POP4: variants seen among roughly 807,000 people sequenced by gnomAD.
POP4 encodes ribonuclease P protein subunit p29.
A neutral mutation model predicts 29.9 loss-of-function variants in POP4; 31 were observed. The ratio of observed to expected loss-of-function variants is 1.04; its 90% CI spans 0.78 to 1.40. The LOEUF is 1.40. Among genes scored for constraint, POP4 ranks in the 40% most tolerant of loss-of-function variants. The probability of loss-of-function intolerance (pLI) is 0.00; values close to 1 mark genes in which losing one functional copy is unlikely to be tolerated. For missense variants in POP4, 286 were observed against 282.7 expected (o/e 1.01, Z -0.08); for synonymous variants, 110 against 108.2 (o/e 1.02, Z -0.10).
intron 5 of POP4, among the ~76,000 whole-genome samples, chr19:29,612,956 G>C (rs1971087568): frequency 6.6e-6 from 1 of 152,188 alleles, no homozygotes; most frequent in East Asian, 1.9e-4. Flanking sequence ...CATCGTATGG[G>C]AGTAAACCTG....
At position 29,615,657 on chromosome 19, in the gene POP4, C is replaced by G; in HGVS notation, c.*277C>G. Reference sequence around the variant, plus strand: ...GGCAGGAAGCACACCGGGGTTAACACTGGTTGACTTGAATAGGATTATTCG... The same window carrying G: ...GGCAGGAAGCACACCGGGGTTAACAGTGGTTGACTTGAATAGGATTATTCG... On this transcript the variant is annotated 3_prime_UTR_variant, in exon 7 of 7. Transcript: ENST00000585603. 1 of 371,550 alleles carries G rather than the reference C, an allele frequency of 2.7e-6. No individual in the cohort carries two copies. Among genetic ancestry groups the G allele is most frequent in the Non-Finnish European group, 4.9e-6 (1 of 205,400 alleles). 23.0% of individuals were successfully genotyped at this position (371,550 alleles called of 1,614,324 possible).
chr19:29,609,085 T>A (rs1358926170), intron 2 of POP4: 1 of 171,306 alleles, frequency 5.8e-6, no homozygotes, highest in African/African-American at 2.4e-5. Context: ...AGATTATATC[T>A]GAATGCCTCG....
intron 3 of POP4, 173 bp downstream of exon 3, chr19:29,610,805 C>T (rs532728103): frequency 7.0e-5 from 46 of 653,922 alleles, no homozygotes; most frequent in African/African-American, 3.8e-4. Flanking sequence ...TTCAGCGAGG[C>T]GGGTGAGACA....
chr19:29,614,102 C>T, intron 6 of POP4, 130 bp downstream of exon 6: 1 of 1,442,846 alleles, frequency 6.9e-7, no homozygotes, highest in Non-Finnish European at 9.1e-7. Flanking sequence ...ACTTGCTGAA[C>T]CTGCATTAAA....
chr19:29,608,122 A>G (rs955992311), intron 1 of POP4, among the ~76,000 whole-genome samples: 1 of 152,218 alleles, frequency 6.6e-6, no homozygotes, highest in African/African-American at 2.4e-5. Flanking sequence ...AACTTCTAGC[A>G]TAGATGTGGC....
At position 29,606,299 on chromosome 19, in the gene POP4, G is replaced by T. The variant is rs1325349382; in HGVS notation, c.-20G>T. ...GCAGCTGCCAGTGCGTCATCAGAGAGCGCCGGAAGCGGTCCGAGAATGAAG... is the reference window on the plus strand; with the variant it reads ...GCAGCTGCCAGTGCGTCATCAGAGATCGCCGGAAGCGGTCCGAGAATGAAG... On this transcript the variant is annotated 5_prime_UTR_variant, in exon 1 of 7. Coordinates refer to ENST00000585603, the MANE Select transcript of POP4 (RefSeq NM_006627.3). The T allele has an allele frequency of 6.9e-6, 11 of 1,603,084 alleles. No homozygotes were observed. The highest frequency in any genetic ancestry group is 1.7e-5 in the Admixed American group (1 of 58,094).
intron 2 of POP4, among the ~76,000 whole-genome samples, chr19:29,609,580 C>T (rs1010348315): frequency 2.0e-5 from 3 of 152,170 alleles, no homozygotes; most frequent in Non-Finnish European, 4.4e-5. Flanking sequence ...ATGAGGAATC[C>T]GTTATTGGAA....
chr19:29,610,606 C>T lies in POP4; in HGVS notation c.258C>T (p.Leu86=). 6.2e-7 allele frequency: 1 copy of T among 1,614,068 alleles called. No homozygotes were observed. The highest frequency in any genetic ancestry group is 8.5e-7 in the Non-Finnish European group (1 of 1,180,028). The change falls in exon 3 of 7, where the codon CTC becomes CTT. Residue 86 remains leucine, a synonymous_variant. Coordinates refer to ENST00000585603, the MANE Select transcript of POP4 (RefSeq NM_006627.3). ...CCAGGCAAAGGAGGGAGCTGCGGCT[C>T]TTTGACATTAAACCAGAGCAGCAGA... is the stretch of plus-strand genomic sequence containing the variant. ...LSARQRRELR[L]FDIKPEQQRY...
In POP4 at chr19:29,611,877, C is replaced by G; in HGVS notation, c.300C>G (p.Leu100=). Residue 100 remains leucine, a synonymous_variant, in exon 4 of 7, where the codon CTC becomes CTG. Transcript: ENST00000585603. ...TTTGCTGCAGATACAGCCTTTTCCTCCCTCTCCATGAACTCTGGAAACAGT... is the reference window on the plus strand; with the variant it reads ...TTTGCTGCAGATACAGCCTTTTCCTGCCTCTCCATGAACTCTGGAAACAGT... The part of the protein sequence containing the change: ...KPEQQRYSLF[L]PLHELWKQYI... The G allele has an allele frequency of 3.1e-6, 5 of 1,614,156 alleles. No homozygotes were observed. Among genetic ancestry groups the G allele is most frequent in the Non-Finnish European group, 4.2e-6 (5 of 1,180,016 alleles).
chr19:29,614,119 A>T, intron 6 of POP4, 147 bp downstream of exon 6: 1 of 1,423,858 alleles, frequency 7.0e-7, no homozygotes, highest in Non-Finnish European at 9.2e-7. Context: ...TAAAGCCTGC[A>T]GAGACCATCC....
chr19:29,615,459 A>G lies in POP4; in HGVS notation c.*79A>G. 1.3e-6 allele frequency: 2 copies of G among 1,514,198 alleles called. No homozygotes were observed. Among genetic ancestry groups the G allele is most frequent in the Non-Finnish European group, 1.8e-6 (2 of 1,111,726 alleles). The allele number at this position is 1,514,198 out of a possible 1,614,324, so 93.8% of individuals were successfully genotyped here. A position where few individuals can be genotyped will look rare whatever the true frequency, so the allele number is the denominator to read the frequency against. On this transcript the variant is annotated 3_prime_UTR_variant, in exon 7 of 7. Coordinates refer to ENST00000585603, the MANE Select transcript of POP4 (RefSeq NM_006627.3). ...TAAATGTCCACCTTTCAGTGAAGAG[A>G]TAGTTAAGCCAATTCCATTTATAGA...
rs202216909 is a variant in POP4 at position 29,608,618 on chromosome 19, C to G, written c.8-39C>G. Reference sequence around the variant, plus strand: ...AAAGTCTTGGGTCTTACAGCCATACCCAACAAGAATTGATCATTTCTTTTT... The same window carrying G: ...AAAGTCTTGGGTCTTACAGCCATACGCAACAAGAATTGATCATTTCTTTTT... On this transcript the variant is annotated intron_variant, in intron 1 of 6. Transcript: ENST00000585603. The G allele has an allele frequency of 8.3e-5, 133 of 1,593,544 alleles. No homozygotes were observed. The East Asian group carries it at 3.0e-3, about 36-fold the overall frequency.
chr19:29,615,673 G>T lies in POP4; in HGVS notation c.*293G>T. 1 of 300,508 alleles carries T rather than the reference G, an allele frequency of 3.3e-6. No homozygotes were observed. Among genetic ancestry groups the T allele is most frequent in the Non-Finnish European group, 6.2e-6 (1 of 161,894 alleles). The allele number at this position is 300,508 out of a possible 1,614,324, so 18.6% of individuals were successfully genotyped here. On this transcript the variant is annotated 3_prime_UTR_variant, in exon 7 of 7. Coordinates refer to ENST00000585603, the MANE Select transcript of POP4 (RefSeq NM_006627.3). Reference sequence around the variant, plus strand: ...GGGTTAACACTGGTTGACTTGAATAGGATTATTCGATTTTTAAAAATACTT... The same window carrying T: ...GGGTTAACACTGGTTGACTTGAATATGATTATTCGATTTTTAAAAATACTT...
intron 6 of POP4, among the ~76,000 whole-genome samples, chr19:29,614,720 T>C (rs893309259): frequency 7.2e-5 from 11 of 152,216 alleles, no homozygotes; most frequent in Non-Finnish European, 1.5e-4. Flanking sequence ...GACAGGCTGG[T>C]CTCAAACTCC....
intron 3 of POP4, chr19:29,611,656 G>C: frequency 1.7e-6 from 1 of 576,890 alleles, no homozygotes; most frequent in Non-Finnish European, 3.1e-6. Flanking sequence ...GGCTGGTGTG[G>C]TCCTACCAAT....
Position 29,616,175 on chromosome 19 carries a change from G to A in POP4, c.*795G>A, listed in dbSNP as rs1170887099. The A allele has an allele frequency of 6.6e-6, 1 of 152,252 alleles. No homozygotes were observed. The highest frequency in any genetic ancestry group is 6.5e-5 in the Admixed American group (1 of 15,284). The allele number at this position is 152,252 out of a possible 1,614,324, so 9.4% of individuals were successfully genotyped here. A position where few individuals can be genotyped will look rare whatever the true frequency, so the allele number is the denominator to read the frequency against. ...ACCTGCTGCAAAAGCCAAGCCAGCA[G>A]CATTGACGCCCTTTGATATCTTCGC... On this transcript the variant is annotated 3_prime_UTR_variant, in exon 7 of 7. Transcript: ENST00000585603.
chr19:29,607,283 A>AC (rs1555705432), intron 1 of POP4, among the ~76,000 whole-genome samples: 2 of 60 alleles, frequency 0.033, no homozygotes, highest in Admixed American at 0.33. Flanking sequence ...CAAAAACTGG[A>AC]AAAAAAAAAA....
intron 2 of POP4, chr19:29,608,966 G>A: frequency 2.4e-6 from 1 of 418,742 alleles, no homozygotes; most frequent in Non-Finnish European, 4.3e-6. Flanking sequence ...CCACTGTGTT[G>A]GGGACACCAG....
In POP4 at chr19:29,615,619, G is replaced by A. The variant is rs550315113; in HGVS notation, c.*239G>A. 2 of 439,346 alleles carry A rather than the reference G, an allele frequency of 4.6e-6. No individual in the cohort carries two copies. Among genetic ancestry groups the A allele is most frequent in the East Asian group, 3.5e-5 (1 of 28,832 alleles). 27.2% of individuals were successfully genotyped at this position (439,346 alleles called of 1,614,324 possible). A position where few individuals can be genotyped will look rare whatever the true frequency, so the allele number is the denominator to read the frequency against. ...TTTTCATTTTGTGTGACTCCCATGG[G>A]GAGGAACAGACTGGCAGGAAGCACA... On this transcript the variant is annotated 3_prime_UTR_variant, in exon 7 of 7. Transcript: ENST00000585603.
Sources: allele counts gnomAD v4.1 joint callset (sites outside exome capture counted in the v4.1 genomes callset), GRCh38; gene constraint gnomAD v4.1.1; transcripts MANE v1.5; gene names NCBI Gene and HGNC (gene_info 2026-07-23, HGNC 2026-07-21).